TSHZ2: variants seen among roughly 807,000 people sequenced by gnomAD.
The protein encoded by TSHZ2 is teashirt homolog 2.
A neutral mutation model predicts 74.4 loss-of-function variants in TSHZ2; 21 were observed. The observed-to-expected ratio is 0.28, with a 90% confidence interval of 0.20 to 0.41. TSHZ2 has a LOEUF of 0.41. TSHZ2 is among the 10% of genes least tolerant of loss of function. The pLI is 1.00. For missense variants in TSHZ2, 1,244 were observed against 1,293.5 expected, an observed-to-expected ratio of 0.96 and a Z score of 0.59; for synonymous variants, 540 against 515.3, an observed-to-expected ratio of 1.05 and a Z score of -0.65.
chr20:53,130,995 G>C (rs1173235634), intron 1 of TSHZ2, among the ~76,000 whole-genome samples: 1 of 152,190 alleles, frequency 6.6e-6, no homozygotes, highest in Non-Finnish European at 1.5e-5. Context: ...CTGACACGTG[G>C]ATGATACATA....
intron 2 of TSHZ2, among the ~76,000 whole-genome samples, chr20:53,404,675 A>G (rs1031482030): frequency 1.3e-5 from 2 of 152,196 alleles, no homozygotes; most frequent in African/African-American, 4.8e-5. Context: ...TTAATATGCA[A>G]CGTTCTCACA....
chr20:53,215,948 C>G (rs1600746575), intron 1 of TSHZ2, among the ~76,000 whole-genome samples: 2 of 152,062 alleles, frequency 1.3e-5, no homozygotes, highest in South Asian at 2.1e-4. Context: ...CCCAGTCTTT[C>G]TCCTAGGGTT....
At chr20:53,473,716 G>A (rs901238780) in intron 2 of TSHZ2, among the ~76,000 whole-genome samples, 2 of 151,682 alleles carry the variant, frequency 1.3e-5, no homozygotes, top group African/African-American at 2.4e-5. Flanking sequence ...TCTGAGCTAC[G>A]GGAGGACATT....
chr20:53,017,812 G>C (rs1265856041), intron 1 of TSHZ2, among the ~76,000 whole-genome samples: 1 of 152,122 alleles, frequency 6.6e-6, no homozygotes, highest in Non-Finnish European at 1.5e-5. Flanking sequence ...TGCTTCAGAA[G>C]TATCTTGTAT....
At chr20:53,309,386 A>G (rs1490211772) in intron 2 of TSHZ2, among the ~76,000 whole-genome samples, 1 of 152,186 alleles carries the variant, frequency 6.6e-6, no homozygotes, top group Non-Finnish European at 1.5e-5. Flanking sequence ...CACTGAATGC[A>G]ATGAAAAAAG....
At chr20:53,098,139 C>T (rs1342381719) in intron 1 of TSHZ2, among the ~76,000 whole-genome samples, 1 of 152,096 alleles carries the variant, frequency 6.6e-6, no homozygotes, top group African/African-American at 2.4e-5. Flanking sequence ...ATTGTGGTTA[C>T]GAGCATAGCA....
rs1426990033 is a variant in TSHZ2, at chr20:53,074,083, GAC to G, written c.40+100752_40+100753del. Among the ~76,000 whole-genome samples, 2 of 152,156 alleles carry G rather than the reference GAC, an allele frequency of 1.3e-5. No homozygotes were observed. Among genetic ancestry groups the G allele is most frequent in the Non-Finnish European group, 2.9e-5 (2 of 68,030 alleles). ...ACTTCGCAATTCTAGCATTGTAAAAGACATGTACATACAACTGTCTCTCACCT... is the reference window on the plus strand; with the variant it reads ...ACTTCGCAATTCTAGCATTGTAAAAGATGTACATACAACTGTCTCTCACCT... On this transcript the variant is annotated intron_variant, in intron 1 of 2. Coordinates refer to ENST00000371497, the MANE Select transcript of TSHZ2 (RefSeq NM_173485.6). This position sits in a 1 kb window ranked among gnomAD's most constrained non-coding sequence, Gnocchi z 5.9.
chr20:53,193,313 C>T (rs1988785903), intron 1 of TSHZ2, among the ~76,000 whole-genome samples: 1 of 152,082 alleles, frequency 6.6e-6, no homozygotes, highest in African/African-American at 2.4e-5. Flanking sequence ...TTGTCTTGTT[C>T]CCTTCTCCTG....
At chr20:53,136,875 TA>T (rs1312648143) in intron 1 of TSHZ2, among the ~76,000 whole-genome samples, 1 of 152,162 alleles carries the variant, frequency 6.6e-6, no homozygotes, top group Non-Finnish European at 1.5e-5. Context: ...TCTACCTGAT[TA>T]AAATGACTGT....
At chr20:53,029,484 T>C (rs989156874) in intron 1 of TSHZ2, among the ~76,000 whole-genome samples, 5 of 152,162 alleles carry the variant, frequency 3.3e-5, no homozygotes, top group Non-Finnish European at 1.5e-5. Flanking sequence ...GAGACCAGCA[T>C]GGCCAACATG....
intron 1 of TSHZ2, among the ~76,000 whole-genome samples, chr20:53,135,007 GACACACACACAC>G (rs139347142): frequency 1.3e-5 from 2 of 148,604 alleles, no homozygotes; most frequent in African/African-American, 5.0e-5. Context: ...TGCACATGCA[GACACACACACAC>G]ACACACACAC....
intron 1 of TSHZ2, among the ~76,000 whole-genome samples, chr20:53,234,371 C>G (rs1989892395): frequency 6.6e-6 from 1 of 152,116 alleles, no homozygotes; most frequent in African/African-American, 2.4e-5. Flanking sequence ...TACCAAGCAC[C>G]ATGCACAGGT....
intron 1 of TSHZ2, among the ~76,000 whole-genome samples, chr20:53,154,918 G>A (rs1987757712): frequency 6.6e-6 from 1 of 151,578 alleles, no homozygotes; most frequent in African/African-American, 2.4e-5. Context: ...TAGTTCTTCT[G>A]CCCCACTAGA....
intron 2 of TSHZ2, among the ~76,000 whole-genome samples, chr20:53,446,439 G>C (rs1984548514): frequency 6.6e-6 from 1 of 151,514 alleles, no homozygotes; most frequent in South Asian, 2.1e-4. Context: ...GCCGGGTGTG[G>C]TGGCAGGTAC....
intron 1 of TSHZ2, among the ~76,000 whole-genome samples, chr20:53,092,824 A>T (rs1985924217): frequency 6.6e-6 from 1 of 152,126 alleles, no homozygotes; most frequent in African/African-American, 2.4e-5. Context: ...TAGACCACGG[A>T]TTGGCAAACT....
intron 1 of TSHZ2, among the ~76,000 whole-genome samples, chr20:53,087,046 A>G (rs1985720540): frequency 6.6e-6 from 1 of 152,178 alleles, no homozygotes; most frequent in South Asian, 2.1e-4. Flanking sequence ...GGAACCTATG[A>G]GTAGACTCAT....
intron 1 of TSHZ2, among the ~76,000 whole-genome samples, chr20:53,103,418 C>G (rs1986273338): frequency 6.6e-6 from 1 of 152,154 alleles, no homozygotes; most frequent in Non-Finnish European, 1.5e-5. Flanking sequence ...AGCCAACTAC[C>G]TAATACATAT....
chr20:53,446,255 C>T (rs1984537207), intron 2 of TSHZ2, among the ~76,000 whole-genome samples: 1 of 152,040 alleles, frequency 6.6e-6, no homozygotes, highest in Admixed American at 6.6e-5. Flanking sequence ...ATCCTTGAAA[C>T]AGGAAGTGAA....
chr20:53,333,260 G>T (rs1000144107), intron 2 of TSHZ2, among the ~76,000 whole-genome samples: 3 of 152,144 alleles, frequency 2.0e-5, no homozygotes, highest in Admixed American at 6.5e-5. Context: ...AAACTTGGAG[G>T]TAAAGAAGTA....
Sources: gnomAD v4.1 joint callset for allele counts (sites outside exome capture counted in the v4.1 genomes callset) on GRCh38, gnomAD v4.1.1 for gene constraint, Gnocchi (gnomAD v3.1) non-coding constraint, MANE v1.5 for transcripts, NCBI Gene and HGNC (gene_info 2026-07-23, HGNC 2026-07-21) for gene names.